Variants in ADGRL3 observed in about 807,000 individuals in gnomAD.
ADGRL3 encodes the protein calcium-independent alpha-latrotoxin receptor 3.
ADGRL3 carries 62 observed loss-of-function variants against 153.5 expected under a neutral mutation model. The observed-to-expected ratio is 0.40, with a 90% CI of 0.33 to 0.50. The LOEUF is 0.50. ADGRL3 is among the 20% of genes least tolerant of loss of function. The pLI, the probability that ADGRL3 is intolerant of heterozygous loss-of-function variation, is 0.47. For synonymous variants in ADGRL3, 710 were observed against 672.5 expected (o/e 1.06, Z -0.86); for missense variants, 1,641 against 1,859.4 (o/e 0.88, Z 2.16).
intron 3 of ADGRL3, among the ~76,000 whole-genome samples, chr4:61,505,947 A>G (rs1320750949): frequency 1.3e-5 from 2 of 152,102 alleles, no homozygotes. Context: ...ACTATAGAAG[A>G]TGATGTCACC....
chr4:61,295,310 T>C (rs2094371346), intron 1 of ADGRL3, among the ~76,000 whole-genome samples: 1 of 152,146 alleles, frequency 6.6e-6, no homozygotes, highest in Admixed American at 6.6e-5. Flanking sequence ...TTCTATTTTA[T>C]CACTTGTTAC....
intron 2 of ADGRL3, among the ~76,000 whole-genome samples, chr4:61,450,009 G>A (rs1447650255): frequency 6.6e-6 from 1 of 152,124 alleles, no homozygotes; most frequent in Non-Finnish European, 1.5e-5. Context: ...TTTGAGTTTT[G>A]TTTTACAGTT....
chr4:61,807,182 A>G (rs938755744), intron 8 of ADGRL3, among the ~76,000 whole-genome samples: 1 of 152,130 alleles, frequency 6.6e-6, no homozygotes, highest in African/African-American at 2.4e-5. Flanking sequence ...TCAATCACAT[A>G]GTAGACCCAC....
intron 9 of ADGRL3, among the ~76,000 whole-genome samples, chr4:61,842,236 G>C (rs963946246): frequency 1.3e-5 from 2 of 152,080 alleles, no homozygotes; most frequent in Non-Finnish European, 2.9e-5. Flanking sequence ...AATATTTGCA[G>C]GTGGCTAAGA....
intron 13 of ADGRL3, among the ~76,000 whole-genome samples, chr4:61,931,358 C>T (rs1025638131): frequency 1.3e-4 from 20 of 152,124 alleles, no homozygotes; most frequent in African/African-American, 4.6e-4. Context: ...TAAGTGAAGA[C>T]GTCCCTTCTT....
intron 1 of ADGRL3, among the ~76,000 whole-genome samples, chr4:61,222,138 T>C (rs11131310): frequency 0.098 from 14,867 of 152,180 alleles, 1,303 homozygotes; most frequent in East Asian, 0.48. Context: ...GTTAATCTCA[T>C]ATTGAGATGC....
chr4:61,361,398 C>T (rs1030759720), intron 1 of ADGRL3, among the ~76,000 whole-genome samples: 6 of 152,076 alleles, frequency 3.9e-5, no homozygotes, highest in Non-Finnish European at 7.4e-5. Context: ...GAAATATCTG[C>T]TTTTGAGTTG....
chr4:61,329,122 T>C (rs1280713055), intron 1 of ADGRL3, among the ~76,000 whole-genome samples: 2 of 152,130 alleles, frequency 1.3e-5, no homozygotes, highest in Non-Finnish European at 2.9e-5. Flanking sequence ...TCCCTCTTCC[T>C]TCTGAGCAGC....
chr4:61,455,896 G>T lies in ADGRL3; in HGVS notation c.-173-41225G>T, dbSNP rs2097729599. ...AGTAGTTTGATCTCGGCTCGCTACA[G>T]CCTCCACCTCCTGGGTTCAAGTGAT... On this transcript the variant is annotated intron_variant, in intron 2 of 26. Coordinates refer to ENST00000683033, the MANE Select transcript of ADGRL3 (RefSeq NM_001387552.1). Among the ~76,000 whole-genome samples the T allele has an allele frequency of 2.6e-5, 4 of 151,730 alleles. No homozygotes were observed. The South Asian group carries it at 8.3e-4, about 32-fold the overall frequency.
At chr4:61,728,495 C>T (rs1245100110) in intron 6 of ADGRL3, among the ~76,000 whole-genome samples, 2 of 151,996 alleles carry the variant, frequency 1.3e-5, no homozygotes, top group African/African-American at 4.8e-5. Flanking sequence ...TGTTACATAG[C>T]CTGTCTTCTC....
At chr4:61,867,398 T>C (rs2098406938) in intron 9 of ADGRL3, among the ~76,000 whole-genome samples, 1 of 150,726 alleles carries the variant, frequency 6.6e-6, no homozygotes, top group Non-Finnish European at 1.5e-5. Flanking sequence ...TACTTAGGAA[T>C]CTGAGGCGGG....
At chr4:61,925,349 C>A (rs1229159182) in intron 13 of ADGRL3, among the ~76,000 whole-genome samples, 1 of 152,092 alleles carries the variant, frequency 6.6e-6, no homozygotes, top group Non-Finnish European at 1.5e-5. Flanking sequence ...ATTCTTCTTC[C>A]TCTACTCAGT....
chr4:61,543,729 A>C (rs1237790637), intron 4 of ADGRL3, among the ~76,000 whole-genome samples: 1 of 152,180 alleles, frequency 6.6e-6, no homozygotes, highest in African/African-American at 2.4e-5. Context: ...AAAATGCTTC[A>C]CGTTTTTAAC....
At chr4:61,881,128 A>G (rs2098506000) in intron 9 of ADGRL3, among the ~76,000 whole-genome samples, 1 of 152,182 alleles carries the variant, frequency 6.6e-6, no homozygotes, top group Non-Finnish European at 1.5e-5. Flanking sequence ...AAGTAATATA[A>G]TCTCCTCTGT....
At chr4:61,253,309 G>C (rs1482068891) in intron 1 of ADGRL3, among the ~76,000 whole-genome samples, 5 of 152,128 alleles carry the variant, frequency 3.3e-5, no homozygotes, top group Non-Finnish European at 7.3e-5. Flanking sequence ...AAATTCCAAA[G>C]ATTCAGCATT....
At chr4:61,215,877 G>T (rs918392243) in intron 1 of ADGRL3, among the ~76,000 whole-genome samples, 24 of 152,026 alleles carry the variant, frequency 1.6e-4, no homozygotes, top group Admixed American at 3.9e-4. Context: ...TTGCCCTTGA[G>T]AGTTCTCATT....
chr4:61,851,323 AC>A (rs2098199863), intron 9 of ADGRL3, among the ~76,000 whole-genome samples: 1 of 152,138 alleles, frequency 6.6e-6, no homozygotes, highest in Admixed American at 6.6e-5. Context: ...GCAGTGACTC[AC>A]ACCTGTGATC....
At chr4:61,626,892 G>GT (rs1032549171) in intron 5 of ADGRL3, among the ~76,000 whole-genome samples, 4 of 152,052 alleles carry the variant, frequency 2.6e-5, no homozygotes, top group Non-Finnish European at 5.9e-5. Flanking sequence ...GTAGTGCACA[G>GT]TTGTAGTTTC....
rs148459792 is a variant in ADGRL3 at position 61,693,623 on chromosome 4, C to A, written c.583+16688C>A. ...GTTCATCCAATATCAGTTCTTGTTG[C>A]GGATGAGGTATTGATGTTTTGTGAT... On this transcript the variant is annotated intron_variant, in intron 6 of 26. Transcript: ENST00000683033. Among the ~76,000 whole-genome samples the A allele has an allele frequency of 9.2e-5, 14 of 152,220 alleles. No individual in the cohort carries two copies. In the East Asian group the frequency reaches 2.3e-3, roughly 25 times the overall value.
Sources: gnomAD v4.1 joint callset for allele counts (sites outside exome capture counted in the v4.1 genomes callset) on GRCh38, gnomAD v4.1.1 for gene constraint, MANE v1.5 for transcripts, NCBI Gene and HGNC (gene_info 2026-07-23, HGNC 2026-07-21) for gene names.